ZFYVE26: variants seen among roughly 807,000 people sequenced by gnomAD.
ZFYVE26 encodes zinc finger FYVE-type containing 26, also known as zinc finger FYVE domain-containing protein 26.
Under a neutral mutation model 276.5 loss-of-function variants are expected in ZFYVE26, and 181 were observed. The ratio of observed to expected loss-of-function variants is 0.65; its 90% CI spans 0.58 to 0.74. The LOEUF is 0.74. Among genes scored for constraint, ZFYVE26 ranks in the 30% least tolerant of loss-of-function variants. The pLI, the probability that ZFYVE26 is intolerant of heterozygous loss-of-function variation, is 0.00. For missense variants in ZFYVE26, 2,821 were observed against 3,097.9 expected (o/e 0.91, Z 2.12); for synonymous variants, 1,129 against 1,203.1 (o/e 0.94, Z 1.27).
At position 67,797,664 on chromosome 14, in the gene ZFYVE26, CA is replaced by C. The variant is rs145183291; in HGVS notation, c.2332+7del. On this transcript the variant is annotated splice_region_variant and intron_variant, in intron 12 of 41. Coordinates refer to ENST00000347230, the MANE Select transcript of ZFYVE26 (RefSeq NM_015346.4). Reference sequence around the variant, plus strand: ...GCCTAGTGCATGGGAATGAGCTCTTCAGATTACCTGCCTGGCTCCTTCTTGT... The same window carrying C: ...GCCTAGTGCATGGGAATGAGCTCTTCGATTACCTGCCTGGCTCCTTCTTGT... 25,082 of 1,613,816 alleles carry C rather than the reference CA, an allele frequency of 0.016. 355 individuals carry two copies. Among genetic ancestry groups the C allele is most frequent in the East Asian group, 0.06 (2,677 of 44,868 alleles).
chr14:67,795,510 A>G (rs2039933681), intron 12 of ZFYVE26, among the ~76,000 whole-genome samples: 1 of 152,150 alleles, frequency 6.6e-6, no homozygotes, highest in African/African-American at 2.4e-5. Context: ...TAAACTTTCC[A>G]TGTATACTAT....
chr14:67,796,457 C>T (rs1782580198), intron 12 of ZFYVE26: 1 of 152,010 alleles, frequency 6.6e-6, no homozygotes, highest in Non-Finnish European at 1.5e-5. Context: ...CCATCTGCCT[C>T]AGCCTCCCAG....
At chr14:67,762,501 C>G (rs2038959973) in intron 33 of ZFYVE26, 89 bp from the exon 34 acceptor site, 1 of 1,532,116 alleles carries the variant, frequency 6.5e-7, no homozygotes, top group South Asian at 1.2e-5. Flanking sequence ...AGTTGCCAAC[C>G]ACCTCATTCC....
At position 67,816,017 on chromosome 14, in the gene ZFYVE26, T is replaced by G; in HGVS notation, c.-54A>C. On this transcript the variant is annotated 5_prime_UTR_variant, in exon 2 of 42. It removes an upstream start codon present in the reference 5' UTR. Transcript: ENST00000347230. ...AAAGAAATGAGTTATGCCGAACACATTCTCAATGTTCTCATTCGCGGAGTA... is the reference window on the plus strand; with the variant it reads ...AAAGAAATGAGTTATGCCGAACACAGTCTCAATGTTCTCATTCGCGGAGTA... The G allele has an allele frequency of 1.4e-6, 2 of 1,416,434 alleles. No individual in the cohort carries two copies. Among genetic ancestry groups the G allele is most frequent in the Non-Finnish European group, 1.9e-6 (2 of 1,039,498 alleles). The allele number at this position is 1,416,434 out of a possible 1,614,324, so 87.7% of individuals were successfully genotyped here. A position where few individuals can be genotyped will look rare whatever the true frequency, so the allele number is the denominator to read the frequency against.
In ZFYVE26 at chr14:67,781,532, A is replaced by G. The variant is rs2039500260; in HGVS notation, c.4373-3T>C. On this transcript the variant is annotated splice_polypyrimidine_tract_variant and splice_region_variant and intron_variant, in intron 21 of 41. Transcript: ENST00000347230. ...CAGGTATTGCCAACCTTCTTTGTCT[A>G]TAAGACAAAAAAGATGCTCAGAGGC... is the stretch of plus-strand genomic sequence containing the variant. 1 of 1,613,908 alleles carries G rather than the reference A, an allele frequency of 6.2e-7. No individual in the cohort carries two copies. Among genetic ancestry groups the G allele is most frequent in the Non-Finnish European group, 8.5e-7 (1 of 1,179,890 alleles).
chr14:67,772,222 A>G lies in ZFYVE26; in HGVS notation c.5321-12T>C, dbSNP rs1342025459. The G allele has an allele frequency of 6.2e-7, 1 of 1,611,844 alleles. No homozygotes were observed. ...TATACTGGAGATACCTGGGAGGCAG[A>G]GCCAGAGGTCAGAGTAAAAGGTAAT... On this transcript the variant is annotated splice_polypyrimidine_tract_variant and intron_variant, in intron 27 of 41. Coordinates refer to ENST00000347230, the MANE Select transcript of ZFYVE26 (RefSeq NM_015346.4).
Position 67,807,717 on chromosome 14 carries a change from C to T in ZFYVE26, c.567G>A (p.Leu189=), listed in dbSNP as rs549717191. The T allele has an allele frequency of 1.9e-6, 3 of 1,614,174 alleles. No individual in the cohort carries two copies. Among genetic ancestry groups the T allele is most frequent in the African/African-American group, 2.7e-5 (2 of 75,058 alleles). Residue 189 remains leucine, a synonymous_variant, in exon 5 of 42, where the codon CTG becomes CTA. Transcript: ENST00000347230. The stretch of plus-strand genomic sequence containing the variant: ...GAATGAGGTCCACCAGTGCATTCTG[C>T]AGAGGCCAGTGACAGAGGCCAGTAC... The part of the protein sequence containing the change: ...DDGTGLCHWP[L]QNALVDLIRK...
chr14:67,809,583 C>T (rs2040256856), intron 3 of ZFYVE26, among the ~76,000 whole-genome samples: 1 of 150,752 alleles, frequency 6.6e-6, no homozygotes, highest in Non-Finnish European at 1.5e-5. Context: ...CCACCACGTC[C>T]AGCTAATTTT....
At chr14:67,768,643 G>A (rs910204504) in intron 29 of ZFYVE26, 95 bp from the exon 30 acceptor site, 8 of 1,176,078 alleles carry the variant, frequency 6.8e-6, no homozygotes, top group Non-Finnish European at 1.0e-5. Context: ...TGTCTCCCTG[G>A]TACAATGGAG....
intron 39 of ZFYVE26, among the ~76,000 whole-genome samples, chr14:67,753,232 C>T (rs2038695028): frequency 6.6e-6 from 1 of 152,190 alleles, no homozygotes; most frequent in Non-Finnish European, 1.5e-5. Context: ...AGACTCTGCC[C>T]CTCATGGTCT....
intron 12 of ZFYVE26, among the ~76,000 whole-genome samples, chr14:67,796,042 A>G (rs1374402342): frequency 1.3e-5 from 2 of 152,198 alleles, no homozygotes; most frequent in Non-Finnish European, 2.9e-5. Context: ...CAAACAGGCA[A>G]TCACATACAG....
Position 67,761,481 on chromosome 14 carries a change from G to T in ZFYVE26, c.6473C>A (p.Thr2158Asn). ...GTAGAAGAGGCATTCCTGGTAGTAGGTGTTGTTCATGATTTTCCCTTCAGG... is the reference window on the plus strand; with the variant it reads ...GTAGAAGAGGCATTCCTGGTAGTAGTTGTTGTTCATGATTTTCCCTTCAGG... ...VIPEGKIMNN[T>N]YYQECLFYLH... The change falls in exon 35 of 42, where the codon ACC (threonine) becomes AAC (asparagine). Residue 2158 changes from threonine to asparagine, a missense_variant. By Grantham distance (65) the Thr-to-Asn change is moderately conservative. Coordinates refer to ENST00000347230, the MANE Select transcript of ZFYVE26 (RefSeq NM_015346.4). 1 of 1,614,194 alleles carries T rather than the reference G, an allele frequency of 6.2e-7. No homozygotes were observed. The highest frequency in any genetic ancestry group is 1.1e-5 in the South Asian group (1 of 91,084).
At chr14:67,799,873 A>C (rs1258766037) in intron 10 of ZFYVE26, among the ~76,000 whole-genome samples, 3 of 152,136 alleles carry the variant, frequency 2.0e-5, no homozygotes, top group Admixed American at 6.6e-5. Context: ...GTCCTTCCTG[A>C]CAGCACTTGC....
rs116114587 is a variant in ZFYVE26, at chr14:67,811,919, T to C, written c.273+2067A>G. On this transcript the variant is annotated intron_variant, in intron 3 of 41. Transcript: ENST00000347230. ...TATGATATATAACATGTATTATATATGAAATATATATCACATATGAAATAT... is the reference window on the plus strand; with the variant it reads ...TATGATATATAACATGTATTATATACGAAATATATATCACATATGAAATAT... 6.2e-3 allele frequency among the ~76,000 whole-genome samples: 926 copies of C among 148,176 alleles called. 11 individuals are homozygous for C. The highest frequency in any genetic ancestry group is 0.022 in the African/African-American group (882 of 40,840).
At chr14:67,754,042 C>A (rs1411011487) in intron 38 of ZFYVE26, 29 bp downstream of exon 38, 2 of 1,614,130 alleles carry the variant, frequency 1.2e-6, no homozygotes, top group South Asian at 2.2e-5. Context: ...TGACAATAGT[C>A]TGCCAGAGGT....
Position 67,783,051 on chromosome 14 carries a change from C to T in ZFYVE26, c.4101G>A (p.Glu1367=), listed in dbSNP as rs750285590. ...GCTCCCAGGCAGCCAGGAGGAAGGC[C>T]TCAAACAGAGGGAATTGTTCCAGAA... ...ERLLEQFPLF[E]AFLLAAWEPL... is the part of the protein sequence containing the mutation. The change falls in exon 21 of 42, where the codon GAG becomes GAA. Residue 1367 remains glutamate, a synonymous_variant. Transcript: ENST00000347230. 2.5e-6 allele frequency: 4 copies of T among 1,614,042 alleles called. No homozygotes were observed. In the African/African-American group the frequency reaches 4.0e-5, roughly 16 times the overall value.
At chr14:67,812,997 T>C (rs2040333699) in intron 3 of ZFYVE26, among the ~76,000 whole-genome samples, 1 of 152,230 alleles carries the variant, frequency 6.6e-6, no homozygotes, top group African/African-American at 2.4e-5. Context: ...TTTTCTTTCC[T>C]AAACAACTGG....
intron 38 of ZFYVE26, 30 bp downstream of exon 38, chr14:67,754,041 T>C (rs1566862693): frequency 1.2e-6 from 2 of 1,614,142 alleles, no homozygotes; most frequent in East Asian, 2.2e-5. Flanking sequence ...ATGACAATAG[T>C]CTGCCAGAGG....
chr14:67,740,500 A>G (rs1260536840), intron 13 of ZFYVE26, among the ~76,000 whole-genome samples: 3 of 152,218 alleles, frequency 2.0e-5, no homozygotes, highest in African/African-American at 7.2e-5. Flanking sequence ...AGTTAATTTT[A>G]TGATTTTTGT....
Sources: gnomAD v4.1 joint callset for allele counts (sites outside exome capture counted in the v4.1 genomes callset) on GRCh38, gnomAD v4.1.1 for gene constraint, MANE v1.5 for transcripts, NCBI Gene and HGNC (gene_info 2026-07-23, HGNC 2026-07-21) for gene names.